Variants in GALNT13 observed in about 807,000 individuals in gnomAD.
GALNT13 encodes the protein UDP-GalNAc:polypeptide N-acetylgalactosaminyltransferase 13.
A neutral mutation model predicts 64.2 loss-of-function variants in GALNT13; 28 were observed. That is an observed-to-expected ratio of 0.44 (90% CI 0.32 to 0.60). The LOEUF (loss-of-function observed/expected upper bound fraction) is 0.60. GALNT13 is among the 20% of genes least tolerant of loss of function. GALNT13 has a pLI of 0.05. For missense variants in GALNT13, 577 were observed against 669.8 expected, an observed-to-expected ratio of 0.86 and a Z score of 1.53; for synonymous variants, 214 against 224.6, an observed-to-expected ratio of 0.95 and a Z score of 0.42.
chr2:154,424,571 C>T (rs1574281402), intron 11 of GALNT13, among the ~76,000 whole-genome samples: 2 of 152,230 alleles, frequency 1.3e-5, no homozygotes, highest in East Asian at 3.9e-4. Context: ...CCATCAGTCA[C>T]ATTAAATTCT....
the GALNT13 span, among the ~76,000 whole-genome samples, chr2:153,613,185 A>C: frequency 6.6e-6 from 1 of 152,200 alleles, no homozygotes; most frequent in Admixed American, 6.6e-5. Flanking sequence ...ATACAACAGA[A>C]GAGGAAATAA....
chr2:153,406,352 T>A, the GALNT13 span, among the ~76,000 whole-genome samples: 1 of 152,206 alleles, frequency 6.6e-6, no homozygotes, highest in Admixed American at 6.5e-5. Flanking sequence ...TATTAATAGC[T>A]CAAATTTTAA....
At chr2:154,417,513 A>AT (rs1387223429) in intron 11 of GALNT13, among the ~76,000 whole-genome samples, 14 of 130,274 alleles carry the variant, frequency 1.1e-4, no homozygotes, top group East Asian at 4.6e-4. Context: ...TTATTTATTT[A>AT]TTTATTTATT....
chr2:153,093,493 C>A, the GALNT13 span, among the ~76,000 whole-genome samples: 1 of 152,080 alleles, frequency 6.6e-6, no homozygotes, highest in Admixed American at 6.6e-5. Flanking sequence ...CCCGCCTCGG[C>A]CTCCCAAAGT....
intron 8 of GALNT13, chr2:154,287,048 A>G (rs1692308032): frequency 1.5e-6 from 1 of 675,084 alleles, no homozygotes; most frequent in Middle Eastern, 4.1e-4. Flanking sequence ...GTGAGTGATG[A>G]CCTTACAGGT....
At chr2:153,266,025 C>G in the GALNT13 span, among the ~76,000 whole-genome samples, 1 of 152,056 alleles carries the variant, frequency 6.6e-6, no homozygotes, top group Admixed American at 6.6e-5. Context: ...ATTTTAGACA[C>G]AACACTATTG....
the GALNT13 span, among the ~76,000 whole-genome samples, chr2:153,637,363 A>C: frequency 6.6e-6 from 1 of 152,128 alleles, no homozygotes; most frequent in Non-Finnish European, 1.5e-5. Context: ...GTGAATCCAA[A>C]AGCTGTTCTT....
At chr2:153,813,688 C>T in the GALNT13 span, among the ~76,000 whole-genome samples, 1 of 152,288 alleles carries the variant, frequency 6.6e-6, no homozygotes, top group African/African-American at 2.4e-5. Flanking sequence ...TTGAATACTG[C>T]CAGTGGCTGG....
intron 3 of GALNT13, among the ~76,000 whole-genome samples, chr2:153,995,991 A>G (rs1466857827): frequency 1.3e-5 from 2 of 152,180 alleles, no homozygotes; most frequent in African/African-American, 4.8e-5. Context: ...CTGTGTTGCC[A>G]CAAATGACAG....
chr2:153,763,541 G>A, the GALNT13 span, among the ~76,000 whole-genome samples: 4 of 152,270 alleles, frequency 2.6e-5, no homozygotes, highest in East Asian at 5.8e-4. Context: ...CATGTAAGAC[G>A]TGATTTTGCT....
chr2:153,146,059 G>A, the GALNT13 span, among the ~76,000 whole-genome samples: 1 of 151,856 alleles, frequency 6.6e-6, no homozygotes, highest in Non-Finnish European at 1.5e-5. Context: ...ATTAGTAGCA[G>A]AGCCAATATT....
the GALNT13 span, among the ~76,000 whole-genome samples, chr2:153,813,074 T>G: frequency 6.6e-6 from 1 of 152,200 alleles, no homozygotes; most frequent in African/African-American, 2.4e-5. Flanking sequence ...AAAATCTGAT[T>G]TCTTGTTGGG....
chr2:154,133,278 T>G (rs549293725), intron 3 of GALNT13, among the ~76,000 whole-genome samples: 1 of 152,064 alleles, frequency 6.6e-6, no homozygotes, highest in Non-Finnish European at 1.5e-5. Flanking sequence ...TAAAAGTTAC[T>G]ATTGGGGCAT....
chr2:154,440,028 G>A (rs1701205402), intron 12 of GALNT13, among the ~76,000 whole-genome samples: 1 of 152,110 alleles, frequency 6.6e-6, no homozygotes, highest in East Asian at 1.9e-4. Context: ...CAAAATACAT[G>A]TAGGTAAATC....
the GALNT13 span, among the ~76,000 whole-genome samples, chr2:153,129,822 T>C: frequency 0.28 from 42,013 of 151,760 alleles, 5,964 homozygotes; most frequent in East Asian, 0.35. Flanking sequence ...TAAAAACATA[T>C]CCCTTCAAAG....
intron 9 of GALNT13, among the ~76,000 whole-genome samples, chr2:154,381,923 G>T (rs1027636646): frequency 6.6e-6 from 1 of 152,044 alleles, no homozygotes; most frequent in African/African-American, 2.4e-5. Flanking sequence ...AAATTTAGAG[G>T]ATAAGAGAAG....
chr2:153,134,849 G>A, the GALNT13 span, among the ~76,000 whole-genome samples: 1 of 152,068 alleles, frequency 6.6e-6, no homozygotes, highest in African/African-American at 2.4e-5. Context: ...GCAATGACCA[G>A]TTATTATTTA....
the GALNT13 span, among the ~76,000 whole-genome samples, chr2:153,414,202 C>T: frequency 4.6e-5 from 7 of 151,762 alleles, no homozygotes; most frequent in East Asian, 1.9e-4. Flanking sequence ...GGTGAAACCC[C>T]GTCTCTACTA....
chr2:153,951,298 A>G (rs1260109003), intron 3 of GALNT13, among the ~76,000 whole-genome samples: 1 of 152,206 alleles, frequency 6.6e-6, no homozygotes, highest in Non-Finnish European at 1.5e-5. Context: ...TAAAAATCAA[A>G]GCAAACAGGA....
Sources: gnomAD v4.1 joint callset for allele counts (sites outside exome capture counted in the v4.1 genomes callset) on GRCh38, gnomAD v4.1.1 for gene constraint, MANE v1.5 for transcripts, NCBI Gene and HGNC (gene_info 2026-07-23, HGNC 2026-07-21) for gene names.